ADAMTS16: variants seen among roughly 807,000 people sequenced by gnomAD.
The protein encoded by ADAMTS16 is A disintegrin and metalloproteinase with thrombospondin motifs 16.
Under a neutral mutation model 145.8 loss-of-function variants are expected in ADAMTS16, and 94 were observed. The ratio of observed to expected loss-of-function variants is 0.64; its 90% CI spans 0.55 to 0.77. ADAMTS16 has a LOEUF of 0.77. ADAMTS16 is among the 30% of genes least tolerant of loss of function. The probability of loss-of-function intolerance (pLI) is 0.00; values close to 1 mark genes in which losing one functional copy is unlikely to be tolerated. For missense variants in ADAMTS16, 1,585 were observed against 1,591.5 expected, an observed-to-expected ratio of 1.00 and a Z score of 0.07; for synonymous variants, 659 against 604.3, an observed-to-expected ratio of 1.09 and a Z score of -1.33.
Position 5,270,961 on chromosome 5 carries a change from G to A in ADAMTS16, c.2789+8178G>A, listed in dbSNP as rs532542939. On this transcript the variant is annotated intron_variant, in intron 18 of 22. Transcript: ENST00000274181. The stretch of plus-strand genomic sequence containing the variant: ...ATAAGCCGCACTCTCCTTCCCCACA[G>A]TTCGTGCTCTGTCTGACACTAAGTG... 1.8e-4 allele frequency among the ~76,000 whole-genome samples: 27 copies of A among 152,294 alleles called. No homozygotes were observed. The South Asian group carries it at 5.6e-3, about 32-fold the overall frequency.
At chr5:5,194,474 G>C (rs1735747021) in intron 8 of ADAMTS16, among the ~76,000 whole-genome samples, 1 of 152,182 alleles carries the variant, frequency 6.6e-6, no homozygotes, top group Non-Finnish European at 1.5e-5. Context: ...ACTTAGGGGA[G>C]ACTATGTGGA....
chr5:5,191,590 A>G (rs1201021163), intron 7 of ADAMTS16, 95 bp from the exon 8 acceptor site: 23 of 1,007,362 alleles, frequency 2.3e-5, no homozygotes, highest in Non-Finnish European at 3.5e-5. Context: ...TATGAACATA[A>G]GAACTAAATT....
intron 18 of ADAMTS16, among the ~76,000 whole-genome samples, chr5:5,267,196 G>A: frequency 6.6e-6 from 1 of 152,114 alleles, no homozygotes; most frequent in East Asian, 1.9e-4. Flanking sequence ...CCACAGCAAC[G>A]TCTAAGGGTG....
chr5:5,274,729 C>T (rs1738621586), intron 18 of ADAMTS16, among the ~76,000 whole-genome samples: 1 of 102,940 alleles, frequency 9.7e-6, no homozygotes, highest in Non-Finnish European at 2.1e-5. Flanking sequence ...CACACACATG[C>T]ACACACAGAT....
intron 3 of ADAMTS16, among the ~76,000 whole-genome samples, chr5:5,153,381 T>A (rs1734522895): frequency 1.3e-5 from 2 of 152,246 alleles, no homozygotes; most frequent in Admixed American, 6.5e-5. Context: ...AAGTTCTTGT[T>A]AAACATTAAC....
chr5:5,189,292 G>C (rs1266804632), intron 6 of ADAMTS16, among the ~76,000 whole-genome samples: 1 of 152,084 alleles, frequency 6.6e-6, no homozygotes, highest in African/African-American at 2.4e-5. Flanking sequence ...TCTGTGTCTC[G>C]AATTCTTCCG....
rs1409348881 is a variant in ADAMTS16 at position 5,212,194 on chromosome 5, TTTTTGTTTTGTTTTGTTTTG to T, written c.1605+2953_1605+2972del. 2.7e-5 allele frequency among the ~76,000 whole-genome samples: 3 copies of T among 109,608 alleles called. 1 individual carries two copies. The highest frequency in any genetic ancestry group is 6.3e-5 in the Non-Finnish European group (3 of 47,588). The allele number at this position is 109,608 out of a possible 152,430, so 71.9% of individuals were successfully genotyped here. On this transcript the variant is annotated intron_variant, in intron 10 of 22. Transcript: ENST00000274181. Reference sequence around the variant, plus strand: ...TTAGTACTATTAGTTTCTGGGGTTTTTTTTGTTTTGTTTTGTTTTGTTTTTTTTTTTGAGATGGAGTCTTG... The same window carrying T: ...TTAGTACTATTAGTTTCTGGGGTTTTTTTTTTTTTTTGAGATGGAGTCTTG...
intron 18 of ADAMTS16, among the ~76,000 whole-genome samples, chr5:5,299,920 C>T (rs1050902892): frequency 1.3e-5 from 2 of 152,200 alleles, no homozygotes; most frequent in Non-Finnish European, 2.9e-5. Context: ...CAGAAGCTTG[C>T]GTGGATTTTG....
chr5:5,270,912 AG>A lies in ADAMTS16; in HGVS notation c.2789+8130del, dbSNP rs573512689. ...AGCTCTGTCCTCAGCAGCCTGGCAA[AG>A]CTGGAGCCACAGCCCCGAGGGAATA... On this transcript the variant is annotated intron_variant, in intron 18 of 22. Coordinates refer to ENST00000274181, the MANE Select transcript of ADAMTS16 (RefSeq NM_139056.4). 5.9e-5 allele frequency among the ~76,000 whole-genome samples: 9 copies of A among 152,264 alleles called. No individual in the cohort carries two copies. In the East Asian group the frequency reaches 1.7e-3, roughly 29 times the overall value.
intron 18 of ADAMTS16, among the ~76,000 whole-genome samples, chr5:5,276,877 GA>G (rs35093321): frequency 2.7e-5 from 4 of 150,872 alleles, no homozygotes; most frequent in South Asian, 2.1e-4. Context: ...GAAGGAAAAT[GA>G]AAAAAAAAAT....
chr5:5,155,665 A>AGCTACAAACTAGAATCAGCG (rs1734583387), intron 3 of ADAMTS16, among the ~76,000 whole-genome samples: 1 of 152,178 alleles, frequency 6.6e-6, no homozygotes, highest in Non-Finnish European at 1.5e-5. Flanking sequence ...TCTTTAAGTA[A>AGCTACAAACTAGAATCAGCG]GCTACAAACT....
In ADAMTS16 at chr5:5,269,995, G is replaced by T. The variant is rs1184846439; in HGVS notation, c.2789+7212G>T. 6.6e-6 allele frequency among the ~76,000 whole-genome samples: 1 copy of T among 152,094 alleles called. No individual in the cohort carries two copies. The highest frequency in any genetic ancestry group is 1.9e-4 in the East Asian group (1 of 5,174). ...CCCAAATCCACTTCAGTCAACCCTG[G>T]AGCCCTCCATCCGATGGCACCCTTT... On this transcript the variant is annotated intron_variant, in intron 18 of 22. Transcript: ENST00000274181. This position sits in a 1 kb window ranked among gnomAD's most constrained non-coding sequence, Gnocchi z 4.3.
intron 2 of ADAMTS16, among the ~76,000 whole-genome samples, chr5:5,142,934 T>C (rs911403688): frequency 6.6e-6 from 1 of 152,108 alleles, no homozygotes; most frequent in Non-Finnish European, 1.5e-5. Flanking sequence ...TTGGCACATC[T>C]GACAAAAACA....
At chr5:5,290,417 G>A (rs1196774564) in intron 18 of ADAMTS16, among the ~76,000 whole-genome samples, 1 of 152,198 alleles carries the variant, frequency 6.6e-6, no homozygotes, top group Non-Finnish European at 1.5e-5. Flanking sequence ...CACTTTGGGA[G>A]GCCGAGATGG....
At chr5:5,285,475 C>T (rs973645414) in intron 18 of ADAMTS16, among the ~76,000 whole-genome samples, 81 of 152,320 alleles carry the variant, frequency 5.3e-4, no homozygotes, top group African/African-American at 1.8e-3. Flanking sequence ...CCTGGCTCCA[C>T]GACGTGCTCC....
At chr5:5,252,764 G>A (rs560059809) in intron 17 of ADAMTS16, among the ~76,000 whole-genome samples, 18 of 152,192 alleles carry the variant, frequency 1.2e-4, no homozygotes, top group Non-Finnish European at 7.4e-5. Context: ...AGGTCTCTGC[G>A]TGTACACCAG....
chr5:5,229,515 T>C (rs1007363163), intron 11 of ADAMTS16, among the ~76,000 whole-genome samples: 21 of 152,076 alleles, frequency 1.4e-4, no homozygotes, highest in Non-Finnish European at 2.8e-4. Flanking sequence ...CTAGCCTTGC[T>C]GAGAGATCCT....
intron 3 of ADAMTS16, among the ~76,000 whole-genome samples, chr5:5,160,814 C>G (rs942126654): frequency 6.6e-6 from 1 of 151,190 alleles, no homozygotes; most frequent in Non-Finnish European, 1.5e-5. Context: ...ATGTGTGCAC[C>G]ATTGGCTGAG....
At chr5:5,233,812 G>A (rs774568247) in intron 12 of ADAMTS16, among the ~76,000 whole-genome samples, 9 of 152,152 alleles carry the variant, frequency 5.9e-5, no homozygotes, top group East Asian at 3.9e-4. Flanking sequence ...ATTCATGTGC[G>A]TGTGTCTTTA....
Sources: allele counts gnomAD v4.1 joint callset (sites outside exome capture counted in the v4.1 genomes callset), GRCh38; gene constraint gnomAD v4.1.1; non-coding constraint Gnocchi (gnomAD v3.1); transcripts MANE v1.5; gene names NCBI Gene and HGNC (gene_info 2026-07-23, HGNC 2026-07-21).